The following DPP10 variants were observed in gnomAD, a reference collection of about 807,000 sequenced individuals.
DPP10 encodes dipeptidyl peptidase like 10.
Under a neutral mutation model 120.9 loss-of-function variants are expected in DPP10, and 33 were observed. The ratio of observed to expected loss-of-function variants is 0.27; its 90% CI spans 0.21 to 0.37. DPP10 has a LOEUF of 0.37. Ranked by LOEUF, DPP10 falls within the 10% of genes least tolerant of loss-of-function variation. The pLI, the probability that DPP10 is intolerant of heterozygous loss-of-function variation, is 1.00. For synonymous variants in DPP10, 337 were observed against 326.1 expected (o/e 1.03, Z -0.36); for missense variants, 816 against 942.8 (o/e 0.87, Z 1.76).
chr2:115,803,478 TGTTAGCTG>T (rs1685519983), intron 19 of DPP10, among the ~76,000 whole-genome samples: 1 of 152,218 alleles, frequency 6.6e-6, no homozygotes, highest in Non-Finnish European at 1.5e-5. Flanking sequence ...GTCATTATGA[TGTTAGCTG>T]GTTATTTTGC....
At chr2:115,069,783 T>A (rs1707223321) in intron 1 of DPP10, among the ~76,000 whole-genome samples, 1 of 151,832 alleles carries the variant, frequency 6.6e-6, no homozygotes, top group Non-Finnish European at 1.5e-5. Context: ...GAATCTTTCC[T>A]TTCTTTTTTT....
At chr2:115,067,460 G>A (rs1233618272) in intron 1 of DPP10, among the ~76,000 whole-genome samples, 74 of 150,278 alleles carry the variant, frequency 4.9e-4, no homozygotes, top group Non-Finnish European at 8.9e-4. Context: ...CACCGTGTTA[G>A]CCAGGATGGT....
intron 8 of DPP10, among the ~76,000 whole-genome samples, chr2:115,729,919 C>G (rs1242927438): frequency 6.6e-6 from 1 of 152,124 alleles, no homozygotes; most frequent in African/African-American, 2.4e-5. Flanking sequence ...TTTGCAAAAA[C>G]CCACAAGTGT....
intron 1 of DPP10, among the ~76,000 whole-genome samples, chr2:114,747,008 A>G (rs1221771080): frequency 2.0e-5 from 3 of 152,242 alleles, no homozygotes; most frequent in Non-Finnish European, 2.9e-5. Flanking sequence ...ATGTGTATAC[A>G]TTCTTAGAAT....
At chr2:115,324,602 G>A (rs1234557492) in intron 2 of DPP10, among the ~76,000 whole-genome samples, 2 of 152,106 alleles carry the variant, frequency 1.3e-5, no homozygotes, top group African/African-American at 4.8e-5. Context: ...GAAAGGTGTG[G>A]CTAGTTTGAT....
chr2:114,892,269 C>T (rs1172505097), intron 1 of DPP10, among the ~76,000 whole-genome samples: 1 of 152,168 alleles, frequency 6.6e-6, no homozygotes, highest in East Asian at 1.9e-4. Context: ...CCATGTACAT[C>T]AGTGTGGTAA....
chr2:114,696,381 G>A (rs1294012351), intron 1 of DPP10, among the ~76,000 whole-genome samples: 1 of 152,014 alleles, frequency 6.6e-6, no homozygotes, highest in Non-Finnish European at 1.5e-5. Flanking sequence ...GTCCTCATTT[G>A]TTTGAACACA....
chr2:114,889,760 T>A (rs1193624259), intron 1 of DPP10, among the ~76,000 whole-genome samples: 1 of 152,208 alleles, frequency 6.6e-6, no homozygotes, highest in Non-Finnish European at 1.5e-5. Context: ...ACAATAGTAC[T>A]TTAAGACATC....
chr2:115,475,943 C>G (rs1390476158), intron 3 of DPP10, among the ~76,000 whole-genome samples: 1 of 152,114 alleles, frequency 6.6e-6, no homozygotes, highest in Non-Finnish European at 1.5e-5. Context: ...AAGTAACTAA[C>G]TTGTTTTTGA....
intron 5 of DPP10, among the ~76,000 whole-genome samples, chr2:115,552,591 G>A (rs894101942): frequency 2.6e-5 from 4 of 152,014 alleles, no homozygotes; most frequent in African/African-American, 9.7e-5. Context: ...GGTGGAAGAT[G>A]TTTCTCAGAC....
intron 1 of DPP10, among the ~76,000 whole-genome samples, chr2:114,508,060 C>G (rs894833004): frequency 6.6e-6 from 1 of 151,652 alleles, no homozygotes; most frequent in Non-Finnish European, 1.5e-5. Flanking sequence ...TTTTCCATCT[C>G]TCTCTCCTCC....
intron 1 of DPP10, among the ~76,000 whole-genome samples, chr2:114,895,258 A>T (rs1367100037): frequency 1.3e-5 from 2 of 152,230 alleles, no homozygotes; most frequent in Non-Finnish European, 2.9e-5. Context: ...TATTTGCAAA[A>T]TTCACAATCT....
intron 1 of DPP10, among the ~76,000 whole-genome samples, chr2:115,129,360 A>C (rs1440245782): frequency 6.6e-6 from 1 of 152,206 alleles, no homozygotes; most frequent in Non-Finnish European, 1.5e-5. Flanking sequence ...ATCCACGGAA[A>C]TATGAGAGCT....
rs70941010 is a variant in DPP10 at position 114,831,022 on chromosome 2, A to ATTTTTTT, written c.60+388214_60+388220dup. 1.5e-4 allele frequency among the ~76,000 whole-genome samples: 7 copies of ATTTTTTT among 45,974 alleles called. 1 individual carries two copies. The highest frequency in any genetic ancestry group is 6.0e-4 in the African/African-American group (7 of 11,614). The allele number at this position is 45,974 out of a possible 152,430, so 30.2% of individuals were successfully genotyped here. ...GGAATATTTAAACATCCATGCAAAG[A>ATTTTTTT]TTTTTTTTTTTTTTTTTTTTTTTTT... is the stretch of plus-strand genomic sequence containing the variant. On this transcript the variant is annotated intron_variant, in intron 1 of 25. Coordinates refer to ENST00000410059, the MANE Select transcript of DPP10 (RefSeq NM_020868.6).
rs1318288880 is a variant in DPP10, at chr2:115,777,319, T to C, written c.1313+20T>C. On this transcript the variant is annotated intron_variant, in intron 14 of 25. Coordinates refer to ENST00000410059, the MANE Select transcript of DPP10 (RefSeq NM_020868.6). ...AAAAATGTGAGTGTTTTCAGTTCTCTAGTCAGGCTGCAAGTTAGCGTTGTC... is the reference window on the plus strand; with the variant it reads ...AAAAATGTGAGTGTTTTCAGTTCTCCAGTCAGGCTGCAAGTTAGCGTTGTC... The C allele has an allele frequency of 2.5e-6, 4 of 1,599,216 alleles. No individual in the cohort carries two copies. Among genetic ancestry groups the C allele is most frequent in the Non-Finnish European group, 3.4e-6 (4 of 1,167,238 alleles).
intron 5 of DPP10, among the ~76,000 whole-genome samples, chr2:115,590,076 G>T (rs2082538300): frequency 6.7e-6 from 1 of 149,332 alleles, no homozygotes; most frequent in African/African-American, 2.5e-5. Context: ...GAGCAGCAGA[G>T]TATTGCAGTC....
chr2:115,205,482 A>C (rs2056057952), intron 1 of DPP10, among the ~76,000 whole-genome samples: 1 of 152,160 alleles, frequency 6.6e-6, no homozygotes, highest in Non-Finnish European at 1.5e-5. Flanking sequence ...TTCCTCAGAG[A>C]ACTAAAAATA....
At chr2:115,794,006 A>C (rs1684268806) in intron 19 of DPP10, among the ~76,000 whole-genome samples, 1 of 152,158 alleles carries the variant, frequency 6.6e-6, no homozygotes, top group Admixed American at 6.6e-5. Context: ...CCCATGATTT[A>C]AAGCCATATT....
At chr2:115,772,745 A>G (rs2149829817) in intron 13 of DPP10, among the ~76,000 whole-genome samples, 1 of 152,328 alleles carries the variant, frequency 6.6e-6, no homozygotes, top group East Asian at 1.9e-4. Flanking sequence ...GAACTGTAAC[A>G]TTCTACATCC....
Sources: allele counts gnomAD v4.1 joint callset (sites outside exome capture counted in the v4.1 genomes callset), GRCh38; gene constraint gnomAD v4.1.1; transcripts MANE v1.5; gene names NCBI Gene and HGNC (gene_info 2026-07-23, HGNC 2026-07-21).